Variants in SNTG1 observed in about 807,000 individuals in gnomAD.
SNTG1 encodes syntrophin gamma 1, also known as gamma-1-syntrophin.
Under a neutral mutation model 74.7 loss-of-function variants are expected in SNTG1, and 39 were observed. The ratio of observed to expected loss-of-function variants is 0.52; its 90% CI spans 0.40 to 0.68. The LOEUF is 0.68. SNTG1 is among the 30% of genes least tolerant of loss of function. The pLI is 0.00. For missense variants in SNTG1, 685 were observed against 609.5 expected (o/e 1.12, Z -1.30); for synonymous variants, 254 against 217.1 (o/e 1.17, Z -1.49).
chr8:50,019,851 G>A (rs999368669), intron 1 of SNTG1, among the ~76,000 whole-genome samples: 2 of 152,052 alleles, frequency 1.3e-5, no homozygotes, highest in Non-Finnish European at 2.9e-5. Flanking sequence ...AACATCATAA[G>A]CAGTGCTATC....
chr8:50,779,060 G>A (rs988759199), intron 18 of SNTG1, among the ~76,000 whole-genome samples: 18 of 151,932 alleles, frequency 1.2e-4, no homozygotes, highest in Admixed American at 1.0e-3. Flanking sequence ...CCATTGATCT[G>A]TATCTCTGTT....
chr8:50,163,328 G>A (rs1026323468), intron 1 of SNTG1, among the ~76,000 whole-genome samples: 1 of 151,708 alleles, frequency 6.6e-6, no homozygotes, highest in Non-Finnish European at 1.5e-5. Context: ...ATTAGAAGAC[G>A]ACTTTTCTGT....
intron 15 of SNTG1, among the ~76,000 whole-genome samples, chr8:50,674,942 C>A (rs1328913730): frequency 6.6e-6 from 1 of 152,000 alleles, no homozygotes. Context: ...CATTAAGTAG[C>A]AGTTTGTTCA....
chr8:50,410,830 A>G (rs1391516094), intron 4 of SNTG1, among the ~76,000 whole-genome samples: 2 of 152,244 alleles, frequency 1.3e-5, no homozygotes, highest in East Asian at 3.9e-4. Context: ...GTTATCACAA[A>G]CGGAAGGGTT....
intron 1 of SNTG1, among the ~76,000 whole-genome samples, chr8:49,932,541 T>C (rs1045723829): frequency 6.6e-6 from 1 of 151,854 alleles, no homozygotes; most frequent in Admixed American, 6.6e-5. Context: ...AGTCATTATG[T>C]CTTTAAAAAA....
chr8:50,210,784 C>T (rs2084483420), intron 2 of SNTG1, among the ~76,000 whole-genome samples: 2 of 152,040 alleles, frequency 1.3e-5, no homozygotes, highest in Admixed American at 6.6e-5. Context: ...TGCAGTAGAC[C>T]AGTAAATTTA....
At chr8:50,600,299 A>C (rs917557996) in intron 13 of SNTG1, among the ~76,000 whole-genome samples, 1 of 151,726 alleles carries the variant, frequency 6.6e-6, no homozygotes, top group South Asian at 2.1e-4. Flanking sequence ...GGTATGAGGG[A>C]AAACTGTCCT....
intron 2 of SNTG1, among the ~76,000 whole-genome samples, chr8:50,386,955 T>TGA (rs1299232850): frequency 2.6e-5 from 4 of 152,126 alleles, no homozygotes; most frequent in African/African-American, 9.7e-5. Flanking sequence ...GGGAACTGAG[T>TGA]GAGAGTCTAT....
At chr8:50,438,401 G>A (rs1201761000) in intron 4 of SNTG1, 142 bp from the exon 5 acceptor site, 7 of 596,226 alleles carry the variant, frequency 1.2e-5, no homozygotes, top group Admixed American at 3.0e-5. Context: ...AGATGTGGAG[G>A]CACTATCCCA....
At chr8:50,575,133 C>G (rs2094569966) in intron 12 of SNTG1, among the ~76,000 whole-genome samples, 1 of 152,118 alleles carries the variant, frequency 6.6e-6, no homozygotes, top group Non-Finnish European at 1.5e-5. Flanking sequence ...CTAGTCTGTT[C>G]AGTCCTACAG....
intron 1 of SNTG1, among the ~76,000 whole-genome samples, chr8:50,111,292 G>A (rs2080578147): frequency 6.6e-6 from 1 of 152,166 alleles, no homozygotes; most frequent in Non-Finnish European, 1.5e-5. Context: ...GGTATTTGGA[G>A]ATGGAGGACT....
chr8:50,579,287 G>A (rs2094594995), intron 12 of SNTG1, among the ~76,000 whole-genome samples: 1 of 152,142 alleles, frequency 6.6e-6, no homozygotes. Flanking sequence ...AGATGATTTA[G>A]GGTATCTGAT....
In SNTG1 at chr8:50,762,049, C is replaced by T. The variant is rs1331985964; in HGVS notation, c.1395+9938C>T. 4.6e-5 allele frequency among the ~76,000 whole-genome samples: 7 copies of T among 152,038 alleles called. No homozygotes were observed. The East Asian group carries it at 9.8e-4, about 21-fold the overall frequency. ...ATTGCTACCTTATTTATCTTCAACC[C>T]TTGCCTTTAAGAGGCAAATTAACAC... On this transcript the variant is annotated intron_variant, in intron 18 of 18. Coordinates refer to ENST00000642720, the MANE Select transcript of SNTG1 (RefSeq NM_018967.5).
At chr8:50,377,521 T>A (rs1352208032) in intron 2 of SNTG1, among the ~76,000 whole-genome samples, 1 of 152,176 alleles carries the variant, frequency 6.6e-6, no homozygotes, top group Non-Finnish European at 1.5e-5. Flanking sequence ...TGGAAATGTA[T>A]TCATGAATTT....
At chr8:50,109,197 C>T (rs955740724) in intron 1 of SNTG1, among the ~76,000 whole-genome samples, 1 of 152,102 alleles carries the variant, frequency 6.6e-6, no homozygotes. Context: ...AAGATCTCTC[C>T]CTTGAACTTT....
intron 1 of SNTG1, among the ~76,000 whole-genome samples, chr8:50,061,131 T>G (rs1434880685): frequency 1.3e-5 from 2 of 152,154 alleles, no homozygotes; most frequent in African/African-American, 4.8e-5. Context: ...GTTAAAAGCC[T>G]TATTCAAATG....
chr8:49,971,026 A>C (rs1811617180), intron 1 of SNTG1, among the ~76,000 whole-genome samples: 1 of 152,204 alleles, frequency 6.6e-6, no homozygotes, highest in African/African-American at 2.4e-5. Context: ...TTATGAGGCC[A>C]GCATCATCCT....
chr8:50,445,664 A>G (rs1414014722), intron 5 of SNTG1, among the ~76,000 whole-genome samples: 1 of 152,220 alleles, frequency 6.6e-6, no homozygotes, highest in Non-Finnish European at 1.5e-5. Context: ...GCTTTAGAAC[A>G]CTGCCTTCCT....
rs540916300 is a variant in SNTG1, at chr8:49,999,601, C to T, written c.-103+87370C>T. ...CTAGGCCTACATGGGCCTCTTTATA[C>T]AGTGCTTTGCACCTGCGATTCCATG... On this transcript the variant is annotated intron_variant, in intron 1 of 18. Transcript: ENST00000642720. Among the ~76,000 whole-genome samples, 37 of 152,234 alleles carry T rather than the reference C, an allele frequency of 2.4e-4. No individual in the cohort carries two copies. In the South Asian group the frequency reaches 7.7e-3, roughly 32 times the overall value.
Sources: allele counts gnomAD v4.1 joint callset (sites outside exome capture counted in the v4.1 genomes callset), GRCh38; gene constraint gnomAD v4.1.1; transcripts MANE v1.5; gene names NCBI Gene and HGNC (gene_info 2026-07-23, HGNC 2026-07-21).